Variants in ABCG8 observed in about 807,000 individuals in gnomAD.
The protein encoded by ABCG8 is ATP-binding cassette sub-family G member 8.
In ABCG8, 81 loss-of-function variants were observed where a neutral mutation model predicts 71.3. That is an observed-to-expected ratio of 1.14 (90% CI 0.95 to 1.37). ABCG8 has a LOEUF of 1.37. ABCG8 is among the 40% of genes most tolerant of loss of function. The probability of loss-of-function intolerance (pLI) is 0.00; values close to 1 mark genes in which losing one functional copy is unlikely to be tolerated. For synonymous variants in ABCG8, 451 were observed against 354.7 expected (o/e 1.27, Z -3.05); for missense variants, 1,119 against 866.2 (o/e 1.29, Z -3.66).
At chr2:43,850,499 T>A (rs947114323) in intron 3 of ABCG8, among the ~76,000 whole-genome samples, 1 of 152,204 alleles carries the variant, frequency 6.6e-6, no homozygotes, top group African/African-American at 2.4e-5. Context: ...AGTAGGTTTG[T>A]TATATAGGTA....
intron 6 of ABCG8, among the ~76,000 whole-genome samples, chr2:43,865,238 ATCTG>A (rs1444546008): frequency 6.9e-6 from 1 of 144,672 alleles, no homozygotes; most frequent in Non-Finnish European, 1.5e-5. Flanking sequence ...AACTCTCACT[ATCTG>A]TCTAGGTACA....
rs1418309758 is a variant in ABCG8, at chr2:43,877,955, A to G, written c.*42A>G. 1 of 1,613,662 alleles carries G rather than the reference A, an allele frequency of 6.2e-7. No individual in the cohort carries two copies. Among genetic ancestry groups the G allele is most frequent in the Admixed American group, 1.7e-5 (1 of 59,984 alleles). ...GCCCGCTGGTGGGGGACCTGAGCAG[A>G]CCCTTCAACTGCACTCCCTCCTCAG... is the stretch of plus-strand genomic sequence containing the variant. On this transcript the variant is annotated 3_prime_UTR_variant, in exon 13 of 13. Transcript: ENST00000272286.
chr2:43,877,679 A>G lies in ABCG8; in HGVS notation c.1875A>G (p.Ser625=). ...MPLGNLTIAV[S]GDKILSVMEL... ...TCGGGAACCTCACCATCGCGGTCTCAGGAGATAAAGTAAGCGGGGAAGGCC... is the reference window on the plus strand; with the variant it reads ...TCGGGAACCTCACCATCGCGGTCTCGGGAGATAAAGTAAGCGGGGAAGGCC... The change falls in exon 12 of 13, where the codon TCA becomes TCG. Residue 625 remains serine, a synonymous_variant. Transcript: ENST00000272286. 1 of 1,614,144 alleles carries G rather than the reference A, an allele frequency of 6.2e-7. No homozygotes were observed. The highest frequency in any genetic ancestry group is 8.5e-7 in the Non-Finnish European group (1 of 1,180,008).
At chr2:43,852,912 C>G (rs200104130) in intron 6 of ABCG8, 44 bp downstream of exon 6, 2 of 1,609,238 alleles carry the variant, frequency 1.2e-6, no homozygotes, top group South Asian at 1.1e-5. Flanking sequence ...CACACAGGGC[C>G]TCCCCGATGC....
intron 1 of ABCG8, among the ~76,000 whole-genome samples, chr2:43,842,014 T>C (rs991012839): frequency 7.7e-5 from 4 of 52,050 alleles, no homozygotes; most frequent in African/African-American, 1.3e-4. Context: ...ATGGATAAGA[T>C]TTTTTTTTTT....
intron 6 of ABCG8, among the ~76,000 whole-genome samples, chr2:43,854,322 A>G (rs1669026710): frequency 6.6e-6 from 1 of 152,044 alleles, no homozygotes. Context: ...TTGTCTTGAG[A>G]TGTGTTATGA....
chr2:43,850,928 A>G (rs1014841994), intron 3 of ABCG8, among the ~76,000 whole-genome samples: 22 of 151,632 alleles, frequency 1.5e-4, no homozygotes, highest in African/African-American at 4.8e-4. Context: ...AAAAAAAAAG[A>G]AAAAGTAAAA....
chr2:43,839,568 A>T (rs779799847), intron 1 of ABCG8, among the ~76,000 whole-genome samples: 2 of 151,214 alleles, frequency 1.3e-5, no homozygotes, highest in Non-Finnish European at 3.0e-5. Flanking sequence ...CTGAGATTAC[A>T]GGCACCTGCC....
chr2:43,858,402 C>T (rs57452597), intron 6 of ABCG8, among the ~76,000 whole-genome samples: 7,817 of 151,598 alleles, frequency 0.052, 191 homozygotes, highest in Middle Eastern at 0.11. Context: ...AGAATTCTCA[C>T]TATCTATCTG....
At chr2:43,844,424 C>G in intron 1 of ABCG8, 83 bp from the exon 2 acceptor site, 1 of 1,141,390 alleles carries the variant, frequency 8.8e-7, no homozygotes, top group Non-Finnish European at 1.3e-6. Flanking sequence ...AGAAGTTGCT[C>G]TCACCTGTTG....
rs1221918942 is a variant in ABCG8, at chr2:43,879,332, A to G, written c.*1419A>G. The G allele has an allele frequency of 6.6e-6, 1 of 152,244 alleles. No homozygotes were observed. Among genetic ancestry groups the G allele is most frequent in the Non-Finnish European group, 1.5e-5 (1 of 68,084 alleles). 9.4% of individuals were successfully genotyped at this position (152,244 alleles called of 1,614,324 possible). On this transcript the variant is annotated 3_prime_UTR_variant, in exon 13 of 13. Transcript: ENST00000272286. ...GGTGCGTGTTTGGGAGGTAAATAGC[A>G]AATACTCTTCATAGGTTCACTAGAG...
rs1361292396 is a variant in ABCG8, at chr2:43,880,162, G to C, written c.*2249G>C. 7.0e-6 allele frequency: 1 copy of C among 142,766 alleles called. No individual in the cohort carries two copies. The highest frequency in any genetic ancestry group is 1.5e-5 in the Non-Finnish European group (1 of 66,958). The allele number at this position is 142,766 out of a possible 1,614,324, so 8.8% of individuals were successfully genotyped here. A position where few individuals can be genotyped will look rare whatever the true frequency, so the allele number is the denominator to read the frequency against. ...GGGCTGAAACAACCAAGAGTTTCAGGCTCATTTTTTGTTTTGTTTTTTTTT... is the reference window on the plus strand; with the variant it reads ...GGGCTGAAACAACCAAGAGTTTCAGCCTCATTTTTTGTTTTGTTTTTTTTT... On this transcript the variant is annotated 3_prime_UTR_variant, in exon 13 of 13. Transcript: ENST00000272286.
chr2:43,857,111 C>A (rs1462044002), intron 6 of ABCG8, among the ~76,000 whole-genome samples: 2 of 151,800 alleles, frequency 1.3e-5, no homozygotes, highest in African/African-American at 4.8e-5. Context: ...AGAATTTTCA[C>A]TCTCTAGATA....
At chr2:43,876,191 T>C (rs1669953752) in intron 11 of ABCG8, among the ~76,000 whole-genome samples, 1 of 152,136 alleles carries the variant, frequency 6.6e-6, no homozygotes, top group Non-Finnish European at 1.5e-5. Flanking sequence ...CTCTCGAGAA[T>C]TGCTATGGAT....
intron 10 of ABCG8, 54 bp from the exon 11 acceptor site, chr2:43,875,092 A>T (rs1669913454): frequency 3.7e-6 from 6 of 1,613,340 alleles, no homozygotes; most frequent in African/African-American, 1.3e-5. Flanking sequence ...AACGTTTATA[A>T]TAATGGCAGT....
chr2:43,869,659 T>G (rs1669686202), intron 6 of ABCG8, among the ~76,000 whole-genome samples: 1 of 147,132 alleles, frequency 6.8e-6, no homozygotes, highest in South Asian at 2.2e-4. Context: ...GGATAGAAAT[T>G]TCTCTATCTA....
At chr2:43,870,421 C>A (rs1310751193) in intron 6 of ABCG8, among the ~76,000 whole-genome samples, 1 of 152,124 alleles carries the variant, frequency 6.6e-6, no homozygotes, top group Non-Finnish European at 1.5e-5. Flanking sequence ...CTCTCACTAT[C>A]TATCTGGATA....
chr2:43,842,752 C>T (rs547218646), intron 1 of ABCG8, among the ~76,000 whole-genome samples: 1 of 150,136 alleles, frequency 6.7e-6, no homozygotes, highest in African/African-American at 2.5e-5. Flanking sequence ...GATAACCCCT[C>T]TCCTGAATTA....
intron 6 of ABCG8, among the ~76,000 whole-genome samples, chr2:43,863,489 G>C (rs1344874437): frequency 2.6e-5 from 4 of 151,238 alleles, no homozygotes; most frequent in Non-Finnish European, 5.9e-5. Flanking sequence ...TATCTTTCCG[G>C]ATAGAACTCT....
Sources: allele counts gnomAD v4.1 joint callset (sites outside exome capture counted in the v4.1 genomes callset), GRCh38; gene constraint gnomAD v4.1.1; transcripts MANE v1.5; gene names NCBI Gene and HGNC (gene_info 2026-07-23, HGNC 2026-07-21).